Variants in DNAH6 observed in about 807,000 individuals in gnomAD.
DNAH6 encodes the protein axonemal beta dynein heavy chain 6.
DNAH6 carries 340 observed loss-of-function variants against 491.4 expected under a neutral mutation model. The observed-to-expected ratio is 0.69, with a 90% CI of 0.63 to 0.76. The LOEUF is 0.76. Among genes scored for constraint, DNAH6 ranks in the 30% least tolerant of loss-of-function variants. The pLI, the probability that DNAH6 is intolerant of heterozygous loss-of-function variation, is 0.00. For synonymous variants in DNAH6, 1,603 were observed against 1,686.1 expected (o/e 0.95, Z 1.21); for missense variants, 4,443 against 4,972.2 (o/e 0.89, Z 3.20).
intron 41 of DNAH6, among the ~76,000 whole-genome samples, chr2:84,677,965 A>G (rs1303832543): frequency 6.6e-6 from 1 of 152,152 alleles, no homozygotes; most frequent in Admixed American, 6.5e-5. Flanking sequence ...GAAGCTGATG[A>G]CAGTGACGTG....
rs141369720 is a variant in DNAH6, at chr2:84,812,285, C to T, written c.11740-56C>T. On this transcript the variant is annotated intron_variant, in intron 72 of 76. Transcript: ENST00000389394. ...CCCCTGCTGTCATTAATGTGTGTCA[C>T]TGACACTGGATAATGACATCTGCAA... The T allele has an allele frequency of 3.4e-6, 5 of 1,466,370 alleles. No homozygotes were observed. The African/African-American group carries it at 7.0e-5, about 21-fold the overall frequency. The allele number at this position is 1,466,370 out of a possible 1,614,324, so 90.8% of individuals were successfully genotyped here. A position where few individuals can be genotyped will look rare whatever the true frequency, so the allele number is the denominator to read the frequency against.
chr2:84,783,250 C>G (rs1207421296), intron 65 of DNAH6, among the ~76,000 whole-genome samples: 1 of 152,144 alleles, frequency 6.6e-6, no homozygotes, highest in East Asian at 1.9e-4. Flanking sequence ...GGCCAGTTTC[C>G]CCAGCTATAA....
chr2:84,680,288 A>G (rs1573462721), intron 41 of DNAH6, among the ~76,000 whole-genome samples: 2 of 152,208 alleles, frequency 1.3e-5, no homozygotes, highest in Non-Finnish European at 1.5e-5. Context: ...GGCTTCTCCC[A>G]TTAGTTACTC....
intron 59 of DNAH6, among the ~76,000 whole-genome samples, chr2:84,719,544 T>G (rs1697881842): frequency 6.6e-6 from 1 of 152,072 alleles, no homozygotes; most frequent in African/African-American, 2.4e-5. Flanking sequence ...AGGGTTTCGC[T>G]CTGTCACCCA....
intron 62 of DNAH6, among the ~76,000 whole-genome samples, chr2:84,741,174 C>G (rs994012159): frequency 6.6e-6 from 1 of 152,080 alleles, no homozygotes; most frequent in Non-Finnish European, 1.5e-5. Flanking sequence ...GAGCCTTGGT[C>G]CCCTTTCCCT....
At chr2:84,599,617 T>C (rs556672294) in intron 18 of DNAH6, among the ~76,000 whole-genome samples, 25 of 152,294 alleles carry the variant, frequency 1.6e-4, no homozygotes, top group Admixed American at 1.4e-3. Context: ...ATGACTATCC[T>C]CCCCAGGCAC....
chr2:84,485,175 A>G, the DNAH6 span, among the ~76,000 whole-genome samples: 2 of 152,316 alleles, frequency 1.3e-5, no homozygotes, highest in Admixed American at 6.5e-5. Flanking sequence ...AATGTGTTGA[A>G]TTTATGCCAT....
chr2:84,789,682 A>T (rs888363125), intron 68 of DNAH6, among the ~76,000 whole-genome samples: 19 of 152,204 alleles, frequency 1.2e-4, no homozygotes, highest in African/African-American at 4.6e-4. Context: ...GAGTATTTTT[A>T]AAAAGTTAGC....
chr2:84,585,583 T>C (rs974967611), intron 15 of DNAH6, among the ~76,000 whole-genome samples: 1 of 151,984 alleles, frequency 6.6e-6, no homozygotes, highest in African/African-American at 2.4e-5. Context: ...TCCCATCATC[T>C]CTGCAGCTCT....
intron 49 of DNAH6, among the ~76,000 whole-genome samples, chr2:84,702,898 T>TCTTTGATCTGTCTCCAG (rs936440755): frequency 1.3e-5 from 2 of 152,274 alleles, no homozygotes; most frequent in Admixed American, 1.3e-4. Context: ...CTTTACCAGA[T>TCTTTGATCTGTCTCCAG]ACCAGCCCTT....
intron 65 of DNAH6, among the ~76,000 whole-genome samples, 170 bp downstream of exon 65, chr2:84,781,823 A>G (rs550460465): frequency 1.3e-5 from 2 of 152,230 alleles, no homozygotes; most frequent in Non-Finnish European, 2.9e-5. Context: ...CCAGGGTTTG[A>G]TAAAAGGCCT....
In DNAH6 at chr2:84,808,497, T is replaced by C. The variant is rs1182736105; in HGVS notation, c.11694T>C (p.Leu3898=). The part of the protein sequence containing the change: ...QGRLNSLTTV[L]GQEVDRFNNL... Reference sequence around the variant, plus strand: ...GTCTGAACTCCTTGACCACCGTTCTTGGACAGGAAGTGGACCGGTTTAACA... The same window carrying C: ...GTCTGAACTCCTTGACCACCGTTCTCGGACAGGAAGTGGACCGGTTTAACA... The change falls in exon 72 of 77, where the codon CTT becomes CTC. Residue 3898 remains leucine, a synonymous_variant. Coordinates refer to ENST00000389394, the MANE Select transcript of DNAH6 (RefSeq NM_001370.2). 2 of 1,551,872 alleles carry C rather than the reference T, an allele frequency of 1.3e-6. No homozygotes were observed. The highest frequency in any genetic ancestry group is 2.4e-5 in the South Asian group (2 of 84,006).
chr2:84,813,419 C>T (rs1573888385), intron 74 of DNAH6, among the ~76,000 whole-genome samples: 1 of 152,186 alleles, frequency 6.6e-6, no homozygotes, highest in African/African-American at 2.4e-5. Context: ...CCATATGACC[C>T]ACGCTCAAGG....
At chr2:84,662,102 T>G (rs1341681360) in intron 37 of DNAH6, among the ~76,000 whole-genome samples, 1 of 152,186 alleles carries the variant, frequency 6.6e-6, no homozygotes, top group Admixed American at 6.5e-5. Context: ...ATGTTATACC[T>G]TGAGGTTTAA....
At position 84,625,083 on chromosome 2, in the gene DNAH6, A is replaced by C. The variant is rs1206310054; in HGVS notation, c.4515+20A>C. The C allele has an allele frequency of 6.7e-7, 1 of 1,490,670 alleles. No homozygotes were observed. The highest frequency in any genetic ancestry group is 8.9e-7 in the Non-Finnish European group (1 of 1,117,532). 92.3% of individuals were successfully genotyped at this position (1,490,670 alleles called of 1,614,324 possible). On this transcript the variant is annotated intron_variant, in intron 29 of 76. Transcript: ENST00000389394. ...TACAAGGTACAGTTCTTGCATCTGA[A>C]TATTAACATTAAGTGTTTTATGTGT...
chr2:84,559,115 A>T (rs922862225), intron 11 of DNAH6, among the ~76,000 whole-genome samples: 2 of 152,072 alleles, frequency 1.3e-5, no homozygotes, highest in African/African-American at 4.8e-5. Flanking sequence ...GTCTCTGCTT[A>T]TGGTGGAATT....
At chr2:84,726,679 C>G (rs989239025) in intron 60 of DNAH6, among the ~76,000 whole-genome samples, 1 of 152,048 alleles carries the variant, frequency 6.6e-6, no homozygotes, top group Non-Finnish European at 1.5e-5. Context: ...TGCTAAATGA[C>G]AAGTTAATGG....
chr2:84,619,401 C>T lies in DNAH6; in HGVS notation c.3573-284C>T, dbSNP rs377506588. 2.4e-4 allele frequency among the ~76,000 whole-genome samples: 37 copies of T among 152,306 alleles called. No individual in the cohort carries two copies. In the South Asian group the frequency reaches 7.7e-3, roughly 32 times the overall value. On this transcript the variant is annotated intron_variant, in intron 23 of 76. Transcript: ENST00000389394. ...GCCAGGTAAGACAGATATGTGAACA[C>T]ATCAGTTTCTAGCATTTTTACAATT...
chr2:84,562,267 C>A (rs1680760275), intron 11 of DNAH6, among the ~76,000 whole-genome samples: 1 of 151,928 alleles, frequency 6.6e-6, no homozygotes, highest in Admixed American at 6.6e-5. Context: ...AAGAAAGAAG[C>A]ACACATATAA....
Sources: allele counts gnomAD v4.1 joint callset (sites outside exome capture counted in the v4.1 genomes callset), GRCh38; gene constraint gnomAD v4.1.1; transcripts MANE v1.5; gene names NCBI Gene and HGNC (gene_info 2026-07-23, HGNC 2026-07-21).